Variants in PHF24 observed in about 807,000 individuals in gnomAD.
The protein encoded by PHF24 is PHD finger protein 24.
PHF24 carries 25 observed loss-of-function variants against 42.6 expected under a neutral mutation model. The ratio of observed to expected loss-of-function variants is 0.59; its 90% CI spans 0.43 to 0.82. PHF24 has a LOEUF of 0.82. PHF24 is among the 40% of genes least tolerant of loss of function. PHF24 has a pLI of 0.00. For synonymous variants in PHF24, 185 were observed against 204.8 expected, an observed-to-expected ratio of 0.90 and a Z score of 0.83; for missense variants, 470 against 538.1, an observed-to-expected ratio of 0.87 and a Z score of 1.25.
the PHF24 span, among the ~76,000 whole-genome samples, chr9:34,860,455 A>G: frequency 2.0e-5 from 3 of 152,126 alleles, no homozygotes; most frequent in African/African-American, 7.2e-5. Flanking sequence ...TTTTGTACCA[A>G]CCTGATAAAT....
At chr9:34,679,363 C>A in the PHF24 span, among the ~76,000 whole-genome samples, 1 of 152,208 alleles carries the variant, frequency 6.6e-6, no homozygotes, top group Non-Finnish European at 1.5e-5. Context: ...TTCTTGATGA[C>A]CGTTGACTCA....
At chr9:34,822,209 C>T in the PHF24 span, among the ~76,000 whole-genome samples, 4 of 151,978 alleles carry the variant, frequency 2.6e-5, no homozygotes, top group South Asian at 4.2e-4. Flanking sequence ...CTTACATTTA[C>T]CGACATAGTT....
the PHF24 span, among the ~76,000 whole-genome samples, chr9:34,713,074 A>G: frequency 1.3e-5 from 2 of 152,170 alleles, no homozygotes. Context: ...CTCCTTAGGG[A>G]TTGCTGATAT....
the PHF24 span, among the ~76,000 whole-genome samples, chr9:34,749,604 C>CA: frequency 1.3e-4 from 19 of 143,754 alleles, no homozygotes; most frequent in African/African-American, 4.6e-4. Context: ...GTTATTCATT[C>CA]TTTTTTTTTT....
chr9:34,749,162 G>A, the PHF24 span, among the ~76,000 whole-genome samples: 2 of 151,568 alleles, frequency 1.3e-5, no homozygotes, highest in Admixed American at 6.6e-5. Flanking sequence ...ACATAACCAG[G>A]GGAGACAAAA....
At chr9:34,862,735 G>T in the PHF24 span, among the ~76,000 whole-genome samples, 1 of 151,474 alleles carries the variant, frequency 6.6e-6, no homozygotes, top group Non-Finnish European at 1.5e-5. Flanking sequence ...GGCTATGGGG[G>T]AAAGTGCCTT....
At chr9:34,854,448 G>A in the PHF24 span, among the ~76,000 whole-genome samples, 2 of 152,182 alleles carry the variant, frequency 1.3e-5, no homozygotes, top group South Asian at 4.1e-4. Context: ...TGCTTTAGCT[G>A]TGTCCCAGAG....
the PHF24 span, among the ~76,000 whole-genome samples, chr9:34,806,485 G>C: frequency 1.3e-5 from 2 of 152,282 alleles, no homozygotes; most frequent in Admixed American, 1.3e-4. Context: ...TTGAGACAGA[G>C]TCTCACTCTG....
chr9:34,743,566 G>A, the PHF24 span, among the ~76,000 whole-genome samples: 2 of 152,196 alleles, frequency 1.3e-5, no homozygotes, highest in Non-Finnish European at 2.9e-5. Flanking sequence ...GGGATTTTGG[G>A]AAGAACTCAC....
chr9:34,751,524 C>G, the PHF24 span, among the ~76,000 whole-genome samples: 1 of 152,044 alleles, frequency 6.6e-6, no homozygotes, highest in East Asian at 1.9e-4. Flanking sequence ...ATATATTCAC[C>G]CAATACTGGG....
chr9:34,856,094 T>C, the PHF24 span, among the ~76,000 whole-genome samples: 11 of 152,308 alleles, frequency 7.2e-5, no homozygotes, highest in Non-Finnish European at 1.6e-4. Flanking sequence ...CATTATGAAG[T>C]TCTTGTGTTG....
chr9:34,773,375 A>G, the PHF24 span, among the ~76,000 whole-genome samples: 2 of 152,134 alleles, frequency 1.3e-5, no homozygotes, highest in Non-Finnish European at 2.9e-5. Context: ...GGGTCAGAAA[A>G]CATGCAAGAT....
At chr9:34,948,735 A>G in the PHF24 span, among the ~76,000 whole-genome samples, 2 of 152,202 alleles carry the variant, frequency 1.3e-5, no homozygotes, top group African/African-American at 4.8e-5. Flanking sequence ...CTCAGAACCT[A>G]TCCCCATGTT....
At chr9:34,772,914 C>T in the PHF24 span, among the ~76,000 whole-genome samples, 1 of 152,076 alleles carries the variant, frequency 6.6e-6, no homozygotes, top group Admixed American at 6.5e-5. Flanking sequence ...ATACCTATTT[C>T]CTTGCTCTGT....
At chr9:34,899,793 A>G in the PHF24 span, among the ~76,000 whole-genome samples, 25 of 152,102 alleles carry the variant, frequency 1.6e-4, no homozygotes, top group Non-Finnish European at 2.6e-4. Flanking sequence ...TGACATCTCT[A>G]CCCTGACAGG....
chr9:34,937,530 C>G, the PHF24 span, among the ~76,000 whole-genome samples: 9,642 of 152,118 alleles, frequency 0.063, 416 homozygotes, highest in Admixed American at 0.12. Flanking sequence ...GCAGGGTCCT[C>G]TGCCTAGGAA....
the PHF24 span, among the ~76,000 whole-genome samples, chr9:34,934,643 C>G: frequency 6.6e-6 from 1 of 151,970 alleles, no homozygotes; most frequent in African/African-American, 2.4e-5. Context: ...AAATTGGGCA[C>G]AAGACCTGGA....
the PHF24 span, among the ~76,000 whole-genome samples, chr9:34,919,901 G>A: frequency 6.6e-6 from 1 of 152,116 alleles, no homozygotes; most frequent in South Asian, 2.1e-4. Flanking sequence ...TTTATGGGCA[G>A]GTAGTACTCC....
At chr9:34,700,139 G>A in the PHF24 span, among the ~76,000 whole-genome samples, 14 of 152,144 alleles carry the variant, frequency 9.2e-5, no homozygotes, top group Non-Finnish European at 1.8e-4. Context: ...GGGGAGGGTG[G>A]TAGGAGATAT....
Sources: allele counts gnomAD v4.1 joint callset (sites outside exome capture counted in the v4.1 genomes callset), GRCh38; gene constraint gnomAD v4.1.1; transcripts MANE v1.5; gene names NCBI Gene and HGNC (gene_info 2026-07-23, HGNC 2026-07-21).